Variants in MITF observed in about 807,000 individuals in gnomAD.
MITF encodes the protein melanocyte inducing transcription factor, also known as microphthalmia-associated transcription factor.
A neutral mutation model predicts 60.5 loss-of-function variants in MITF; 17 were observed. That is an observed-to-expected ratio of 0.28 (90% confidence interval 0.19 to 0.42). MITF has a LOEUF of 0.42. Among genes scored for constraint, MITF ranks in the 10% least tolerant of loss-of-function variants. The probability of loss-of-function intolerance (pLI) is 1.00; values close to 1 mark genes in which losing one functional copy is unlikely to be tolerated. For missense variants in MITF, 622 were observed against 683.5 expected (o/e 0.91, Z 1.00); for synonymous variants, 260 against 248.5 (o/e 1.05, Z -0.43).
intron 1 of MITF, among the ~76,000 whole-genome samples, chr3:69,805,593 C>A (rs1301302149): frequency 6.6e-6 from 1 of 152,096 alleles, no homozygotes; most frequent in African/African-American, 2.4e-5. Context: ...GTTCACAATC[C>A]TCTAATATTT....
At chr3:69,745,607 C>T (rs1021564809) in intron 1 of MITF, among the ~76,000 whole-genome samples, 23 of 152,176 alleles carry the variant, frequency 1.5e-4, no homozygotes, top group African/African-American at 5.3e-4. Flanking sequence ...TTAGGGTTTC[C>T]GTTTGCCTTT....
At chr3:69,775,949 C>A (rs894755928) in intron 1 of MITF, among the ~76,000 whole-genome samples, 2 of 152,192 alleles carry the variant, frequency 1.3e-5, no homozygotes, top group African/African-American at 4.8e-5. Context: ...AGAAAGCGTG[C>A]ATTGTTTTGC....
intron 5 of MITF, among the ~76,000 whole-genome samples, chr3:69,942,551 C>A (rs1380969736): frequency 6.6e-6 from 1 of 152,002 alleles, no homozygotes; most frequent in Non-Finnish European, 1.5e-5. Context: ...CTTGAAACCT[C>A]AAGCTTCTTT....
chr3:69,807,402 A>C (rs2063026982), intron 1 of MITF, among the ~76,000 whole-genome samples: 2 of 152,364 alleles, frequency 1.3e-5, no homozygotes, highest in South Asian at 4.1e-4. Flanking sequence ...CTTTGATGGA[A>C]TTAATGATCA....
At chr3:69,848,273 G>T (rs746838848) in intron 1 of MITF, among the ~76,000 whole-genome samples, 3 of 152,204 alleles carry the variant, frequency 2.0e-5, no homozygotes, top group Non-Finnish European at 2.9e-5. Context: ...AGATATCCTG[G>T]CCAGCGTTCT....
intron 5 of MITF, among the ~76,000 whole-genome samples, chr3:69,947,710 C>T (rs2066133949): frequency 6.6e-6 from 1 of 152,112 alleles, no homozygotes; most frequent in Non-Finnish European, 1.5e-5. Flanking sequence ...GTCCTCCCTG[C>T]CTACCCCAAT....
chr3:69,760,915 G>C (rs984419704), intron 1 of MITF, among the ~76,000 whole-genome samples: 1 of 152,190 alleles, frequency 6.6e-6, no homozygotes, highest in Non-Finnish European at 1.5e-5. Context: ...CTGAGTACTT[G>C]TTGGGATTGC....
chr3:69,948,491 T>C (rs4381944), intron 5 of MITF, among the ~76,000 whole-genome samples: 415 of 151,812 alleles, frequency 2.7e-3, no homozygotes, highest in African/African-American at 9.7e-3. Context: ...TGTGGAAAAT[T>C]TCAATTTCAA....
chr3:69,796,502 T>C (rs1323734942), intron 1 of MITF, among the ~76,000 whole-genome samples: 33 of 117,300 alleles, frequency 2.8e-4, no homozygotes, highest in Admixed American at 1.9e-3. Context: ...TTCTTTTTTT[T>C]TTTTTTTTTT....
chr3:69,761,972 C>CT, intron 1 of MITF, among the ~76,000 whole-genome samples: 2 of 152,268 alleles, frequency 1.3e-5, no homozygotes, highest in East Asian at 3.9e-4. Context: ...TTCCCTCTCT[C>CT]TTTTTTCTGC....
At chr3:69,749,745 A>G (rs950848053) in intron 1 of MITF, among the ~76,000 whole-genome samples, 1 of 152,218 alleles carries the variant, frequency 6.6e-6, no homozygotes, top group South Asian at 2.1e-4. Context: ...GATAACTTGT[A>G]AGAGGTCGGC....
intron 5 of MITF, among the ~76,000 whole-genome samples, chr3:69,946,712 G>A (rs2066105531): frequency 6.6e-6 from 1 of 152,174 alleles, no homozygotes; most frequent in African/African-American, 2.4e-5. Flanking sequence ...GAAGTAGATA[G>A]AGGGCTATAA....
At chr3:69,886,036 C>A (rs186146457) in intron 2 of MITF, among the ~76,000 whole-genome samples, 1 of 152,200 alleles carries the variant, frequency 6.6e-6, no homozygotes, top group African/African-American at 2.4e-5. Context: ...CAGAAAGTCA[C>A]CCAAGTAGGT....
chr3:69,895,138 A>C (rs2064847088), intron 2 of MITF, among the ~76,000 whole-genome samples: 1 of 152,200 alleles, frequency 6.6e-6, no homozygotes. Context: ...CATTTGTGAT[A>C]AGATGAAGGT....
intron 1 of MITF, among the ~76,000 whole-genome samples, chr3:69,843,137 C>T (rs1259227058): frequency 6.6e-6 from 1 of 152,082 alleles, no homozygotes; most frequent in Non-Finnish European, 1.5e-5. Context: ...TCCGTAAGTA[C>T]TCAATACTTA....
chr3:69,903,169 A>G (rs1014441022), intron 2 of MITF, among the ~76,000 whole-genome samples: 1 of 152,194 alleles, frequency 6.6e-6, no homozygotes, highest in East Asian at 1.9e-4. Context: ...TGAGTTTGTA[A>G]TTGAGAATAG....
intron 1 of MITF, chr3:69,838,485 T>C (rs1251197673): frequency 6.6e-6 from 1 of 152,632 alleles, no homozygotes; most frequent in East Asian, 1.9e-4. Flanking sequence ...AGTTCTTTAA[T>C]AAAAACCAGA....
chr3:69,741,030 C>G (rs1003478188), intron 1 of MITF, among the ~76,000 whole-genome samples: 5 of 152,198 alleles, frequency 3.3e-5, no homozygotes, highest in African/African-American at 1.2e-4. Context: ...AATCTGGGAA[C>G]AGCGGTCCTA....
intron 2 of MITF, among the ~76,000 whole-genome samples, chr3:69,903,835 G>A (rs1366455243): frequency 2.6e-5 from 4 of 152,092 alleles, no homozygotes; most frequent in Non-Finnish European, 4.4e-5. Flanking sequence ...AGATTGCCTG[G>A]GTTCTGACTC....
Sources: gnomAD v4.1 joint callset for allele counts (sites outside exome capture counted in the v4.1 genomes callset) on GRCh38, gnomAD v4.1.1 for gene constraint, MANE v1.5 for transcripts, NCBI Gene and HGNC (gene_info 2026-07-23, HGNC 2026-07-21) for gene names.